MIPEP: variants seen among roughly 807,000 people sequenced by gnomAD.
The protein encoded by MIPEP is mitochondrial intermediate peptidase.
Under a neutral mutation model 90.3 loss-of-function variants are expected in MIPEP, and 79 were observed. The ratio of observed to expected loss-of-function variants is 0.87; its 90% CI spans 0.73 to 1.05. The LOEUF (loss-of-function observed/expected upper bound fraction) is 1.05, where lower values mean the gene tolerates loss of function less well. Ranked by LOEUF, MIPEP falls within the 50% of genes least tolerant of loss-of-function variation. The probability of loss-of-function intolerance (pLI) is 0.00; values close to 1 mark genes in which losing one functional copy is unlikely to be tolerated. For missense variants in MIPEP, 940 were observed against 905.6 expected (o/e 1.04, Z -0.49); for synonymous variants, 334 against 315.8 (o/e 1.06, Z -0.61).
chr13:23,828,817 TG>T (rs1175131533), intron 14 of MIPEP, among the ~76,000 whole-genome samples: 4 of 152,230 alleles, frequency 2.6e-5, no homozygotes, highest in Non-Finnish European at 4.4e-5. Flanking sequence ...GATTCTAAAA[TG>T]TATATGAAAG....
intron 5 of MIPEP, among the ~76,000 whole-genome samples, chr13:23,873,741 C>T (rs1170121838): frequency 6.6e-6 from 1 of 152,098 alleles, no homozygotes; most frequent in African/African-American, 2.4e-5. Context: ...GGAAAGAATA[C>T]AACTAACTCC....
chr13:23,884,015 T>G (rs770424994), intron 2 of MIPEP, among the ~76,000 whole-genome samples: 15 of 152,056 alleles, frequency 9.9e-5, no homozygotes, highest in Non-Finnish European at 2.1e-4. Flanking sequence ...GAACATATAA[T>G]CATCTGAAAG....
intron 16 of MIPEP, among the ~76,000 whole-genome samples, chr13:23,771,029 C>G (rs1565987754): frequency 6.6e-6 from 1 of 152,166 alleles, no homozygotes; most frequent in African/African-American, 2.4e-5. Flanking sequence ...TAGAGAGGAC[C>G]CTGACCTCAT....
intron 16 of MIPEP, 41 bp downstream of exon 16, chr13:23,805,909 A>G: frequency 6.2e-7 from 1 of 1,603,408 alleles, no homozygotes. Flanking sequence ...TAATAGCAGA[A>G]CCACTCAATA....
At chr13:23,775,222 C>G (rs1952702757) in intron 16 of MIPEP, among the ~76,000 whole-genome samples, 1 of 150,950 alleles carries the variant, frequency 6.6e-6, no homozygotes, top group Admixed American at 6.6e-5. Context: ...TTTATTTCTT[C>G]CTTGTAATAT....
intron 18 of MIPEP, among the ~76,000 whole-genome samples, chr13:23,741,860 T>G (rs1423038197): frequency 6.6e-6 from 1 of 152,168 alleles, no homozygotes; most frequent in African/African-American, 2.4e-5. Flanking sequence ...GCTAGTCATA[T>G]TCTTACATTT....
intron 16 of MIPEP, among the ~76,000 whole-genome samples, chr13:23,767,904 T>C (rs1593142474): frequency 6.6e-6 from 1 of 152,174 alleles, no homozygotes; most frequent in African/African-American, 2.4e-5. Flanking sequence ...AGAAACAGAA[T>C]AATACCCTTT....
chr13:23,826,753 G>C (rs1593176075), intron 14 of MIPEP, among the ~76,000 whole-genome samples: 1 of 152,270 alleles, frequency 6.6e-6, no homozygotes, highest in East Asian at 1.9e-4. Context: ...AAGGATGGAG[G>C]AAGGAGAGAG....
intron 14 of MIPEP, among the ~76,000 whole-genome samples, chr13:23,820,926 A>T (rs1324996509): frequency 6.6e-6 from 1 of 152,224 alleles, no homozygotes. Context: ...CACAAAACTC[A>T]TTCTGATTTC....
intron 14 of MIPEP, 71 bp from the exon 15 acceptor site, chr13:23,809,995 A>C (rs2137409391): frequency 2.5e-6 from 2 of 796,286 alleles, no homozygotes; most frequent in South Asian, 3.8e-5. Context: ...ATAAGCCAGG[A>C]AATTTAAAAA....
chr13:23,832,367 T>G (rs1461874743), intron 14 of MIPEP, among the ~76,000 whole-genome samples: 2 of 152,008 alleles, frequency 1.3e-5, no homozygotes, highest in African/African-American at 4.8e-5. Flanking sequence ...AAAAATAGAT[T>G]CCTTTTCTTT....
rs1373082948 is a variant in MIPEP, at chr13:23,879,294, A to C, written c.513T>G (p.Leu171=). 6.2e-7 allele frequency: 1 copy of C among 1,606,292 alleles called. No individual in the cohort carries two copies. Among genetic ancestry groups the C allele is most frequent in the South Asian group, 1.1e-5 (1 of 90,692 alleles). The part of the protein sequence containing the change: ...SLQKLLADKK[L]VDSLDPETRR... The stretch of plus-strand genomic sequence containing the variant: ...TTGTTTCTGGATCAAGGGAATCCAC[A>C]AGTTTTTTATCAGCTAGTAATTTTT... The change falls in exon 4 of 19, where the codon CTT becomes CTG. Residue 171 remains leucine, a synonymous_variant. Transcript: ENST00000382172.
intron 16 of MIPEP, chr13:23,766,163 T>G (rs1952589793): frequency 6.6e-6 from 1 of 152,236 alleles, no homozygotes; most frequent in African/African-American, 2.4e-5. Context: ...GTAAATGATT[T>G]TTAAAAATAG....
At position 23,747,422 on chromosome 13, in the gene MIPEP, C is replaced by T. The variant is rs139811187; in HGVS notation, c.2044+9123G>A. 708 of 415,842 alleles carry T rather than the reference C, an allele frequency of 1.7e-3. 5 individuals are homozygous for T. The highest frequency in any genetic ancestry group is 0.013 in the African/African-American group (647 of 48,598). The allele number at this position is 415,842 out of a possible 1,614,324, so 25.8% of individuals were successfully genotyped here. The stretch of plus-strand genomic sequence containing the variant: ...GGACCCCCTTTCTTCTAGTGGTGTC[C>T]CCTACTTATTATGCCTGCTATCTAG... On this transcript the variant is annotated intron_variant, in intron 18 of 18. Coordinates refer to ENST00000382172, the MANE Select transcript of MIPEP (RefSeq NM_005932.4).
At chr13:23,875,027 A>AACACAAACACACACACACAC (rs1871007357) in intron 4 of MIPEP, 118 bp from the exon 5 acceptor site, 1 of 364,684 alleles carries the variant, frequency 2.7e-6, no homozygotes, top group Non-Finnish European at 5.0e-6. Context: ...GTTTCTTCAA[A>AACACAAACACACACACACAC]ACACACACAC....
chr13:23,862,645 A>T (rs1304487465), intron 8 of MIPEP, among the ~76,000 whole-genome samples: 2 of 152,224 alleles, frequency 1.3e-5, no homozygotes, highest in Non-Finnish European at 2.9e-5. Flanking sequence ...ACAAATATGC[A>T]AAGCATTAAT....
intron 16 of MIPEP, among the ~76,000 whole-genome samples, chr13:23,790,099 G>A (rs900401304): frequency 2.6e-5 from 4 of 152,048 alleles, no homozygotes; most frequent in South Asian, 4.1e-4. Flanking sequence ...CTGGTTTCTC[G>A]CCAAATCCTG....
At chr13:23,831,392 G>GGGGGGGGGGGGGGGGGGGGGGT (rs1316041872) in intron 14 of MIPEP, among the ~76,000 whole-genome samples, 1 of 142,492 alleles carries the variant, frequency 7.0e-6, no homozygotes, top group Admixed American at 6.8e-5. Flanking sequence ...GCGGGGGGGG[G>GGGGGGGGGGGGGGGGGGGGGGT]ATGTGGATGG....
intron 17 of MIPEP, chr13:23,756,836 T>C (rs1952495372): frequency 2.0e-5 from 11 of 551,960 alleles, no homozygotes; most frequent in South Asian, 9.1e-5. Flanking sequence ...TGTAAGAGGA[T>C]AACTATACTT....
Sources: allele counts gnomAD v4.1 joint callset (sites outside exome capture counted in the v4.1 genomes callset), GRCh38; gene constraint gnomAD v4.1.1; transcripts MANE v1.5; gene names NCBI Gene and HGNC (gene_info 2026-07-23, HGNC 2026-07-21).